PDIA5: variants seen among roughly 807,000 people sequenced by gnomAD.
PDIA5 encodes the protein protein disulfide isomerase family A member 5.
In PDIA5, 58 loss-of-function variants were observed where a neutral mutation model predicts 77.6. That is an observed-to-expected ratio of 0.75 (90% CI 0.61 to 0.93). PDIA5 has a LOEUF of 0.93. Ranked by LOEUF, PDIA5 falls within the 40% of genes least tolerant of loss-of-function variation. PDIA5 has a pLI of 0.00. For synonymous variants in PDIA5, 250 were observed against 252.1 expected, an observed-to-expected ratio of 0.99 and a Z score of 0.08; for missense variants, 630 against 647.7, an observed-to-expected ratio of 0.97 and a Z score of 0.30.
At chr3:123,086,250 C>T (rs1006208731) in intron 1 of PDIA5, among the ~76,000 whole-genome samples, 18 of 152,322 alleles carry the variant, frequency 1.2e-4, no homozygotes, top group Non-Finnish European at 1.6e-4. Flanking sequence ...TTATAAAACA[C>T]GTTCAATAAA....
At chr3:123,152,121 CT>C in intron 14 of PDIA5, among the ~76,000 whole-genome samples, 2 of 145,142 alleles carry the variant, frequency 1.4e-5, no homozygotes, top group Non-Finnish European at 3.0e-5. Context: ...TCCTTCCTTC[CT>C]TCCTGCCTTC....
At chr3:123,148,393 C>T (rs917063134) in intron 13 of PDIA5, among the ~76,000 whole-genome samples, 31 of 151,888 alleles carry the variant, frequency 2.0e-4, no homozygotes, top group Non-Finnish European at 3.8e-4. Context: ...CATAGTGAGA[C>T]CCCACCTCTA....
intron 7 of PDIA5, among the ~76,000 whole-genome samples, chr3:123,112,372 G>A (rs555195485): frequency 2.0e-5 from 3 of 151,922 alleles, no homozygotes; most frequent in South Asian, 4.2e-4. Context: ...AGCCCATCTC[G>A]AATCCCACTT....
At chr3:123,094,747 T>A (rs575434925) in intron 3 of PDIA5, among the ~76,000 whole-genome samples, 2 of 152,352 alleles carry the variant, frequency 1.3e-5, no homozygotes, top group African/African-American at 4.8e-5. Flanking sequence ...TTTATCCTTG[T>A]CACTGTGAAA....
chr3:123,085,460 A>G (rs900914629), intron 1 of PDIA5, among the ~76,000 whole-genome samples: 7 of 152,200 alleles, frequency 4.6e-5, no homozygotes, highest in Middle Eastern at 3.4e-3. Context: ...GTGACTCCAA[A>G]TGCTGGGTGA....
intron 3 of PDIA5, among the ~76,000 whole-genome samples, chr3:123,093,875 C>G (rs1244785528): frequency 3.3e-5 from 5 of 152,170 alleles, no homozygotes; most frequent in Non-Finnish European, 5.9e-5. Flanking sequence ...CTCACAGTGC[C>G]CTGGCTTTCC....
chr3:123,093,378 A>C (rs187253054), intron 3 of PDIA5, among the ~76,000 whole-genome samples: 24 of 152,312 alleles, frequency 1.6e-4, no homozygotes, highest in African/African-American at 4.6e-4. Context: ...ATTCTAGTTC[A>C]TAGTTGGTCC....
intron 8 of PDIA5, among the ~76,000 whole-genome samples, chr3:123,117,862 G>A (rs1344684299): frequency 6.6e-6 from 1 of 152,136 alleles, no homozygotes; most frequent in Non-Finnish European, 1.5e-5. Context: ...ACCCCGAGTA[G>A]CAGAAGTGTC....
intron 6 of PDIA5, among the ~76,000 whole-genome samples, chr3:123,107,340 G>A (rs1156396044): frequency 1.3e-5 from 2 of 152,086 alleles, no homozygotes; most frequent in Admixed American, 6.6e-5. Flanking sequence ...GGCCAGGGGT[G>A]GAGGTAGAAG....
intron 13 of PDIA5, among the ~76,000 whole-genome samples, chr3:123,147,121 C>T (rs549289493): frequency 1.3e-5 from 2 of 152,214 alleles, no homozygotes; most frequent in South Asian, 4.2e-4. Context: ...TATTTTCTTA[C>T]AATTTTGGAG....
At chr3:123,093,552 G>A (rs1934352590) in intron 3 of PDIA5, among the ~76,000 whole-genome samples, 1 of 152,194 alleles carries the variant, frequency 6.6e-6, no homozygotes, top group Non-Finnish European at 1.5e-5. Flanking sequence ...GCTTGTAGGT[G>A]GCAGAAATGG....
At chr3:123,131,805 A>T (rs1935376635) in intron 11 of PDIA5, among the ~76,000 whole-genome samples, 1 of 151,862 alleles carries the variant, frequency 6.6e-6, no homozygotes, top group Admixed American at 6.6e-5. Flanking sequence ...TCCAAGAGGG[A>T]CAAGGCTGCC....
At chr3:123,108,951 G>A (rs147061862) in intron 6 of PDIA5, among the ~76,000 whole-genome samples, 3 of 152,230 alleles carry the variant, frequency 2.0e-5, no homozygotes, top group Non-Finnish European at 4.4e-5. Flanking sequence ...CATGTGCCTA[G>A]ACCCATGGAA....
chr3:123,089,886 T>A (rs1934239475), intron 2 of PDIA5, among the ~76,000 whole-genome samples: 1 of 152,246 alleles, frequency 6.6e-6, no homozygotes, highest in African/African-American at 2.4e-5. Flanking sequence ...ACCTTGAGGC[T>A]GGCAAGGACA....
At chr3:123,151,806 T>C (rs1326280396) in intron 14 of PDIA5, among the ~76,000 whole-genome samples, 3 of 145,708 alleles carry the variant, frequency 2.1e-5, no homozygotes, top group Non-Finnish European at 4.6e-5. Flanking sequence ...CCTGCCTGCC[T>C]TCCTGCCTGC....
At chr3:123,083,513 T>C (rs1255093160) in intron 1 of PDIA5, among the ~76,000 whole-genome samples, 1 of 152,098 alleles carries the variant, frequency 6.6e-6, no homozygotes, top group Non-Finnish European at 1.5e-5. Flanking sequence ...AGAAGGAGTT[T>C]GCATGGTGAA....
chr3:123,069,446 T>G (rs915523067), intron 1 of PDIA5, among the ~76,000 whole-genome samples: 4 of 152,180 alleles, frequency 2.6e-5, no homozygotes, highest in Non-Finnish European at 5.9e-5. Context: ...AAAGTGATAT[T>G]TATCTTTTTC....
chr3:123,128,157 G>A (rs1208882935), intron 10 of PDIA5, among the ~76,000 whole-genome samples: 4 of 152,228 alleles, frequency 2.6e-5, no homozygotes, highest in Middle Eastern at 3.2e-3. Context: ...TCCAGTGACC[G>A]CTAAACCCTG....
intron 7 of PDIA5, among the ~76,000 whole-genome samples, chr3:123,114,451 A>G (rs1934945318): frequency 1.3e-5 from 2 of 152,180 alleles, no homozygotes; most frequent in Non-Finnish European, 2.9e-5. Flanking sequence ...CAGGGCACCT[A>G]TCCCCACTGC....
Sources: allele counts gnomAD v4.1 joint callset (sites outside exome capture counted in the v4.1 genomes callset), GRCh38; gene constraint gnomAD v4.1.1; transcripts MANE v1.5; gene names NCBI Gene and HGNC (gene_info 2026-07-23, HGNC 2026-07-21).